The following COL25A1 variants were observed in gnomAD, a reference collection of about 807,000 sequenced individuals.
The protein encoded by COL25A1 is collagen alpha-1(XXV) chain.
A neutral mutation model predicts 128.4 loss-of-function variants in COL25A1; 103 were observed. That is an observed-to-expected ratio of 0.80 (90% CI 0.68 to 0.94). The LOEUF is 0.94. Ranked by LOEUF, COL25A1 falls within the 40% of genes least tolerant of loss-of-function variation. COL25A1 has a pLI of 0.00. For missense variants in COL25A1, 745 were observed against 840.0 expected (o/e 0.89, Z 1.40); for synonymous variants, 279 against 277.2 (o/e 1.01, Z -0.06).
chr4:108,836,303 G>A (rs1237186561), intron 31 of COL25A1, among the ~76,000 whole-genome samples: 1 of 152,088 alleles, frequency 6.6e-6, no homozygotes, highest in Non-Finnish European at 1.5e-5. Context: ...TTTAAAAAAG[G>A]GCAGACTTTA....
chr4:108,866,148 T>G (rs1332356324), intron 20 of COL25A1, among the ~76,000 whole-genome samples: 1 of 152,078 alleles, frequency 6.6e-6, no homozygotes, highest in African/African-American at 2.4e-5. Flanking sequence ...TAAACAGTAT[T>G]AGTAAAAGTA....
chr4:109,119,244 C>A (rs562641387), intron 3 of COL25A1, among the ~76,000 whole-genome samples: 5 of 151,558 alleles, frequency 3.3e-5, no homozygotes, highest in Admixed American at 2.6e-4. Context: ...ATTGGATGCA[C>A]GTATTAGAAA....
At chr4:108,993,208 A>G (rs927629288) in intron 6 of COL25A1, among the ~76,000 whole-genome samples, 2 of 152,204 alleles carry the variant, frequency 1.3e-5, no homozygotes, top group African/African-American at 4.8e-5. Flanking sequence ...CCATCTGCTG[A>G]TAACTGCCAT....
At chr4:108,987,781 T>G (rs2126007967) in intron 6 of COL25A1, among the ~76,000 whole-genome samples, 1 of 152,310 alleles carries the variant, frequency 6.6e-6, no homozygotes, top group South Asian at 2.1e-4. Flanking sequence ...GAAGAAAATT[T>G]TGTTTTTGCA....
intron 36 of COL25A1, 22 bp from the exon 37 acceptor site, chr4:108,817,457 G>A (rs1278606433): frequency 1.9e-6 from 3 of 1,610,872 alleles, no homozygotes; most frequent in Non-Finnish European, 2.5e-6. Context: ...AGAAGAAAAA[G>A]AATTCCTCAG....
intron 19 of COL25A1, among the ~76,000 whole-genome samples, chr4:108,871,649 A>G (rs1012719949): frequency 1.3e-4 from 20 of 152,178 alleles, no homozygotes; most frequent in African/African-American, 4.8e-4. Context: ...TGAGCATGAT[A>G]CATTATACCT....
At chr4:109,218,357 G>GTTTTTTTTTTTTT (rs34056401) in intron 3 of COL25A1, among the ~76,000 whole-genome samples, 13 of 73,568 alleles carry the variant, frequency 1.8e-4, no homozygotes, top group Admixed American at 4.1e-4. Flanking sequence ...GTTTTTTGGG[G>GTTTTTTTTTTTTT]TTTTTTTTTT....
intron 20 of COL25A1, among the ~76,000 whole-genome samples, chr4:108,866,895 C>T (rs969936133): frequency 6.6e-6 from 1 of 152,166 alleles, no homozygotes; most frequent in African/African-American, 2.4e-5. Flanking sequence ...ATTCAGCTGA[C>T]AATTAACCTC....
At chr4:109,057,670 C>A (rs548839530) in intron 3 of COL25A1, among the ~76,000 whole-genome samples, 1 of 152,016 alleles carries the variant, frequency 6.6e-6, no homozygotes, top group Admixed American at 6.5e-5. Flanking sequence ...TGTGGTAAAT[C>A]TAATTCTCAA....
chr4:108,840,180 T>C (rs1734276896), intron 31 of COL25A1, among the ~76,000 whole-genome samples: 1 of 144,638 alleles, frequency 6.9e-6, no homozygotes, highest in Admixed American at 7.3e-5. Context: ...AGGCGGAGGT[T>C]GCAGCGAGCC....
chr4:108,858,985 G>C (rs1308796257), intron 24 of COL25A1, among the ~76,000 whole-genome samples: 1 of 152,110 alleles, frequency 6.6e-6, no homozygotes, highest in Non-Finnish European at 1.5e-5. Flanking sequence ...GATGATAGAG[G>C]CTAGAATGCA....
intron 8 of COL25A1, among the ~76,000 whole-genome samples, chr4:108,970,860 T>C (rs1751844043): frequency 6.6e-6 from 1 of 151,718 alleles, no homozygotes; most frequent in Non-Finnish European, 1.5e-5. Context: ...GGTTCATCCA[T>C]GCTGTTGGCA....
chr4:109,111,892 T>C (rs1767058085), intron 3 of COL25A1, among the ~76,000 whole-genome samples: 1 of 152,158 alleles, frequency 6.6e-6, no homozygotes, highest in Admixed American at 6.5e-5. Flanking sequence ...TGAAGGGAAA[T>C]AAAATGGTAG....
chr4:109,083,890 T>A (rs1764115751), intron 3 of COL25A1, among the ~76,000 whole-genome samples: 1 of 152,248 alleles, frequency 6.6e-6, no homozygotes, highest in Non-Finnish European at 1.5e-5. Flanking sequence ...TAGTTTTTCA[T>A]GTCAGTTTGC....
rs1330084000 is a variant in COL25A1, at chr4:108,813,735, C to T, written c.*192G>A. On this transcript the variant is annotated 3_prime_UTR_variant, in exon 38 of 38. Coordinates refer to ENST00000399132, the MANE Select transcript of COL25A1 (RefSeq NM_198721.4). ...TGATCTATATTTTTTGCAGGATTCT[C>T]ACTGGTTTCACAAATTGCCCAATTT... is the stretch of plus-strand genomic sequence containing the variant. The T allele has an allele frequency of 1.8e-6, 1 of 542,042 alleles. No homozygotes were observed. The highest frequency in any genetic ancestry group is 1.9e-5 in the African/African-American group (1 of 52,000). The allele number at this position is 542,042 out of a possible 1,614,324, so 33.6% of individuals were successfully genotyped here.
chr4:109,104,072 T>A (rs1579375865), intron 3 of COL25A1, among the ~76,000 whole-genome samples: 1 of 152,122 alleles, frequency 6.6e-6, no homozygotes. Context: ...AATACTAGAA[T>A]TAGAAAATCA....
chr4:109,163,972 G>A (rs1403522057), intron 3 of COL25A1, among the ~76,000 whole-genome samples: 2 of 152,120 alleles, frequency 1.3e-5, no homozygotes, highest in East Asian at 3.8e-4. Context: ...AATCCAAGTA[G>A]TAAAACCTGA....
chr4:108,963,019 A>G (rs1750904341), intron 8 of COL25A1, among the ~76,000 whole-genome samples: 1 of 152,222 alleles, frequency 6.6e-6, no homozygotes, highest in Admixed American at 6.5e-5. Flanking sequence ...TAGTGCAGGT[A>G]TGCTTATGAA....
At chr4:108,939,761 T>G (rs1321666380) in intron 10 of COL25A1, among the ~76,000 whole-genome samples, 1 of 152,170 alleles carries the variant, frequency 6.6e-6, no homozygotes, top group African/African-American at 2.4e-5. Context: ...AGTCCTAAAG[T>G]CATAAAATAA....
Sources: allele counts gnomAD v4.1 joint callset (sites outside exome capture counted in the v4.1 genomes callset), GRCh38; gene constraint gnomAD v4.1.1; transcripts MANE v1.5; gene names NCBI Gene and HGNC (gene_info 2026-07-23, HGNC 2026-07-21).